Variants in KIRREL3 observed in about 807,000 individuals in gnomAD.
The protein encoded by KIRREL3 is kirre like nephrin family adhesion molecule 3, also known as kin of IRRE-like protein 3.
A neutral mutation model predicts 89.7 loss-of-function variants in KIRREL3; 36 were observed. The observed-to-expected ratio is 0.40, with a 90% CI of 0.31 to 0.53. The LOEUF (loss-of-function observed/expected upper bound fraction) is 0.53. Ranked by LOEUF, KIRREL3 falls within the 20% of genes least tolerant of loss-of-function variation. KIRREL3 has a pLI of 0.49. For missense variants in KIRREL3, 864 were observed against 1,056.6 expected (o/e 0.82, Z 2.53); for synonymous variants, 445 against 441.4 (o/e 1.01, Z -0.10).
rs1940782512 is a variant in KIRREL3, at chr11:126,569,713, A to G, written c.56-6801T>C. Among the ~76,000 whole-genome samples the G allele has an allele frequency of 6.6e-6, 1 of 152,224 alleles. No homozygotes were observed. Among genetic ancestry groups the G allele is most frequent in the Non-Finnish European group, 1.5e-5 (1 of 68,038 alleles). Reference sequence around the variant, plus strand: ...GCAGGAGTCCCCAGGAGGAAAAGACAGCTTCAGGCTGTGGGATGGTGAGGG... The same window carrying G: ...GCAGGAGTCCCCAGGAGGAAAAGACGGCTTCAGGCTGTGGGATGGTGAGGG... On this transcript the variant is annotated intron_variant, in intron 1 of 16. Coordinates refer to ENST00000525144, the MANE Select transcript of KIRREL3 (RefSeq NM_032531.4). This position sits in a 1 kb window ranked among gnomAD's most constrained non-coding sequence, Gnocchi z 6.5.
rs1040382567 is a variant in KIRREL3 at position 126,686,659 on chromosome 11, A to G, written c.56-123747T>C. On this transcript the variant is annotated intron_variant, in intron 1 of 16. Transcript: ENST00000525144. This position sits in a 1 kb window ranked among gnomAD's most constrained non-coding sequence, Gnocchi z 4.7. ...CAGTGGCGTGATCTTGGCTCACTGCAACCTCGGCCTCTCCAGTTCAAGCAG... is the reference window on the plus strand; with the variant it reads ...CAGTGGCGTGATCTTGGCTCACTGCGACCTCGGCCTCTCCAGTTCAAGCAG... Among the ~76,000 whole-genome samples the G allele has an allele frequency of 6.6e-6, 1 of 152,138 alleles. No homozygotes were observed. The highest frequency in any genetic ancestry group is 1.5e-5 in the Non-Finnish European group (1 of 68,038).
intron 1 of KIRREL3, among the ~76,000 whole-genome samples, chr11:126,848,611 G>A (rs1944231726): frequency 6.6e-6 from 1 of 152,204 alleles, no homozygotes; most frequent in African/African-American, 2.4e-5. Context: ...GTTCCCAACA[G>A]TTGCCCAGTT....
rs535145381 is a variant in KIRREL3 at position 126,680,198 on chromosome 11, G to A, written c.56-117286C>T. On this transcript the variant is annotated intron_variant, in intron 1 of 16. Transcript: ENST00000525144. ...ATATAACAGATGCTCAGTAAAGATC[G>A]GTTGCTTTCATGACCAGTGAGGGCA... is the stretch of plus-strand genomic sequence containing the variant. Among the ~76,000 whole-genome samples, 119 of 152,194 alleles carry A rather than the reference G, an allele frequency of 7.8e-4. 2 individuals carry two copies. The highest frequency in any genetic ancestry group is 1.2e-3 in the South Asian group (6 of 4,814).
chr11:126,822,972 C>T (rs574403450), intron 1 of KIRREL3, among the ~76,000 whole-genome samples: 1 of 152,164 alleles, frequency 6.6e-6, no homozygotes, highest in Non-Finnish European at 1.5e-5. Context: ...AATGACCCCA[C>T]CTCTTAAAGG....
Position 126,733,091 on chromosome 11 carries a change from T to C in KIRREL3, c.56-170179A>G, listed in dbSNP as rs193095353. Reference sequence around the variant, plus strand: ...CACCTCTGAAGTAAGAGTGCAACCCTCCAATTCAAAAGTGTAATTTCTAGT... The same window carrying C: ...CACCTCTGAAGTAAGAGTGCAACCCCCCAATTCAAAAGTGTAATTTCTAGT... On this transcript the variant is annotated intron_variant, in intron 1 of 16. Coordinates refer to ENST00000525144, the MANE Select transcript of KIRREL3 (RefSeq NM_032531.4). 1.4e-4 allele frequency among the ~76,000 whole-genome samples: 21 copies of C among 152,344 alleles called. No individual in the cohort carries two copies. In the East Asian group the frequency reaches 2.7e-3, roughly 20 times the overall value.
intron 1 of KIRREL3, among the ~76,000 whole-genome samples, chr11:126,626,472 G>A (rs924477364): frequency 6.6e-6 from 1 of 152,228 alleles, no homozygotes; most frequent in African/African-American, 2.4e-5. Flanking sequence ...CAGGGCTGAA[G>A]CAGAGGTCTG....
chr11:126,490,200 TTG>T lies in KIRREL3; in HGVS notation c.434-16736_434-16735del, dbSNP rs10609593. Among the ~76,000 whole-genome samples, 26,088 of 140,554 alleles carry T rather than the reference TTG, an allele frequency of 0.19. 2,739 individuals carry two copies. Among genetic ancestry groups the T allele is most frequent in the East Asian group, 0.41 (1,911 of 4,642 alleles). The allele number at this position is 140,554 out of a possible 152,430, so 92.2% of individuals were successfully genotyped here. A position where few individuals can be genotyped will look rare whatever the true frequency, so the allele number is the denominator to read the frequency against. ...TATTTGCATTTGGCTTTGGAATGCA[TTG>T]TGTGTGTGTGTGTGTGTGTGTGTGT... On this transcript the variant is annotated intron_variant, in intron 4 of 16. Coordinates refer to ENST00000525144, the MANE Select transcript of KIRREL3 (RefSeq NM_032531.4). This position sits in a 1 kb window ranked among gnomAD's most constrained non-coding sequence, Gnocchi z 4.2.
In KIRREL3 at chr11:126,782,071, G is replaced by A. The variant is rs1179345128; in HGVS notation, c.55+218384C>T. Among the ~76,000 whole-genome samples, 1 of 145,422 alleles carries A rather than the reference G, an allele frequency of 6.9e-6. No homozygotes were observed. ...GATTAAAGCAGAGACAATGCGATGT[G>A]CTCAGCATATAATTTCCTCCTCCTG... On this transcript the variant is annotated intron_variant, in intron 1 of 16. Transcript: ENST00000525144. This position sits in a 1 kb window ranked among gnomAD's most constrained non-coding sequence, Gnocchi z 4.1.
chr11:127,000,338 G>T lies in KIRREL3; in HGVS notation c.55+117C>A, dbSNP rs552214525. The T allele has an allele frequency of 7.4e-5, 56 of 752,474 alleles. No individual in the cohort carries two copies. Among genetic ancestry groups the T allele is most frequent in the African/African-American group, 6.2e-4 (35 of 56,102 alleles). The allele number at this position is 752,474 out of a possible 1,614,324, so 46.6% of individuals were successfully genotyped here. On this transcript the variant is annotated intron_variant, in intron 1 of 16. Transcript: ENST00000525144. This position sits in a 1 kb window ranked among gnomAD's most constrained non-coding sequence, Gnocchi z 7.1. ...TGCCAGAGCATCTCAGCCCGGCACCGAGAGACGCATCCATCAGTCCGAGTT... is the reference window on the plus strand; with the variant it reads ...TGCCAGAGCATCTCAGCCCGGCACCTAGAGACGCATCCATCAGTCCGAGTT...
At position 126,768,132 on chromosome 11, in the gene KIRREL3, C is replaced by CCA. The variant is rs1565715240; in HGVS notation, c.56-205221_56-205220insTG. Among the ~76,000 whole-genome samples the CCA allele has an allele frequency of 9.5e-4, 119 of 124,990 alleles. 1 individual carries two copies. Among genetic ancestry groups the CCA allele is most frequent in the African/African-American group, 3.5e-3 (103 of 29,154 alleles). The allele number at this position is 124,990 out of a possible 152,430, so 82.0% of individuals were successfully genotyped here. A position where few individuals can be genotyped will look rare whatever the true frequency, so the allele number is the denominator to read the frequency against. ...TCTGTCCATCCATCTGTCTATCCAT[C>CCA]TATCCATCCATCCATCCATCCATCC... is the stretch of plus-strand genomic sequence containing the variant. On this transcript the variant is annotated intron_variant, in intron 1 of 16. Transcript: ENST00000525144. The surrounding 1 kb of genome is among the most constrained non-coding windows in gnomAD (Gnocchi z 4.5).
In KIRREL3 at chr11:126,471,476, G is replaced by T. The variant is rs747398461; in HGVS notation, c.591+1833C>A. Among the ~76,000 whole-genome samples, 22 of 152,164 alleles carry T rather than the reference G, an allele frequency of 1.4e-4. No homozygotes were observed. The South Asian group carries it at 1.9e-3, about 13-fold the overall frequency. On this transcript the variant is annotated intron_variant, in intron 5 of 16. Coordinates refer to ENST00000525144, the MANE Select transcript of KIRREL3 (RefSeq NM_032531.4). The surrounding 1 kb of genome is among the most constrained non-coding windows in gnomAD (Gnocchi z 5.4). Reference sequence around the variant, plus strand: ...TTCCCAGAGGAAGGGGAGGCCCCAGGGTCAGTTGGGGCTGGGGTGGGAGGT... The same window carrying T: ...TTCCCAGAGGAAGGGGAGGCCCCAGTGTCAGTTGGGGCTGGGGTGGGAGGT...
At chr11:126,809,181 A>T (rs1424588445) in intron 1 of KIRREL3, among the ~76,000 whole-genome samples, 1 of 152,194 alleles carries the variant, frequency 6.6e-6, no homozygotes, top group Non-Finnish European at 1.5e-5. Flanking sequence ...GGCAGAGCAG[A>T]GGAGGGTCAC....
Position 126,475,015 on chromosome 11 carries a change from G to T in KIRREL3, c.434-1549C>A, listed in dbSNP as rs1957025924. ...TTTCCCTTACCCCAGGAGGAGCTGG[G>T]CCCACCAGCTCTGGAGGCTGAGAGA... On this transcript the variant is annotated intron_variant, in intron 4 of 16. Transcript: ENST00000525144. The surrounding 1 kb of genome is among the most constrained non-coding windows in gnomAD (Gnocchi z 7.5). Among the ~76,000 whole-genome samples, 3 of 152,156 alleles carry T rather than the reference G, an allele frequency of 2.0e-5. No individual in the cohort carries two copies. The highest frequency in any genetic ancestry group is 7.2e-5 in the African/African-American group (3 of 41,442).
intron 1 of KIRREL3, among the ~76,000 whole-genome samples, chr11:126,733,677 T>C (rs929309603): frequency 2.6e-5 from 4 of 152,396 alleles, no homozygotes; most frequent in African/African-American, 9.6e-5. Flanking sequence ...CTGTTTACTT[T>C]AATTACCATC....
chr11:126,911,842 G>T (rs1428035121), intron 1 of KIRREL3, among the ~76,000 whole-genome samples: 3 of 152,102 alleles, frequency 2.0e-5, no homozygotes, highest in Non-Finnish European at 2.9e-5. Context: ...AATTAGCCGG[G>T]CGCGGTGGCG....
In KIRREL3 at chr11:126,779,385, C is replaced by T. The variant is rs118073614; in HGVS notation, c.56-216473G>A. ...CACAGGGCATTCTCTCTCCCTGAAA[C>T]CTGTTGTCTCCCTTCCTCCCTTGTT... is the stretch of plus-strand genomic sequence containing the variant. On this transcript the variant is annotated intron_variant, in intron 1 of 16. Transcript: ENST00000525144. Among the ~76,000 whole-genome samples, 25 of 152,270 alleles carry T rather than the reference C, an allele frequency of 1.6e-4. No homozygotes were observed. In the South Asian group the frequency reaches 5.0e-3, roughly 30 times the overall value.
rs542941548 is a variant in KIRREL3, at chr11:126,627,947, C to T, written c.56-65035G>A. Reference sequence around the variant, plus strand: ...ATCTTCATTCTGTCTCTCCCACCACCGAGCAAGGCTCGGTCTCCTGGTTTG... The same window carrying T: ...ATCTTCATTCTGTCTCTCCCACCACTGAGCAAGGCTCGGTCTCCTGGTTTG... On this transcript the variant is annotated intron_variant, in intron 1 of 16. Transcript: ENST00000525144. The surrounding 1 kb of genome is among the most constrained non-coding windows in gnomAD (Gnocchi z 5.0). 5.9e-5 allele frequency among the ~76,000 whole-genome samples: 9 copies of T among 152,302 alleles called. No individual in the cohort carries two copies. The highest frequency in any genetic ancestry group is 1.9e-4 in the East Asian group (1 of 5,178).
rs1157506660 is a variant in KIRREL3, at chr11:126,724,566, G to A, written c.56-161654C>T. 6.6e-6 allele frequency among the ~76,000 whole-genome samples: 1 copy of A among 152,188 alleles called. No homozygotes were observed. The highest frequency in any genetic ancestry group is 1.5e-5 in the Non-Finnish European group (1 of 68,042). ...CATGAATTTCCAGCTGAAGCAACACGTTTCTGTCCCCAAGGGATGAAGAAG... is the reference window on the plus strand; with the variant it reads ...CATGAATTTCCAGCTGAAGCAACACATTTCTGTCCCCAAGGGATGAAGAAG... On this transcript the variant is annotated intron_variant, in intron 1 of 16. Transcript: ENST00000525144. The surrounding 1 kb of genome is among the most constrained non-coding windows in gnomAD (Gnocchi z 4.3).
chr11:126,910,656 C>A (rs1946780381), intron 1 of KIRREL3, among the ~76,000 whole-genome samples: 1 of 152,230 alleles, frequency 6.6e-6, no homozygotes, highest in African/African-American at 2.4e-5. Flanking sequence ...GGGCAAGTTT[C>A]TCCACCCCTT....
Sources: gnomAD v4.1 joint callset for allele counts (sites outside exome capture counted in the v4.1 genomes callset) on GRCh38, gnomAD v4.1.1 for gene constraint, Gnocchi (gnomAD v3.1) non-coding constraint, MANE v1.5 for transcripts, NCBI Gene and HGNC (gene_info 2026-07-23, HGNC 2026-07-21) for gene names.